ERCC8: variants seen among roughly 807,000 people sequenced by gnomAD.
The protein encoded by ERCC8 is ERCC excision repair 8, CSA ubiquitin ligase complex subunit, also known as DNA excision repair protein ERCC-8.
A neutral mutation model predicts 54.9 loss-of-function variants in ERCC8; 52 were observed. That is an observed-to-expected ratio of 0.95 (90% CI 0.76 to 1.19). ERCC8 has a LOEUF of 1.19. Among genes scored for constraint, ERCC8 ranks in the 50% most tolerant of loss-of-function variants. The probability of loss-of-function intolerance (pLI) is 0.00; values close to 1 mark genes in which losing one functional copy is unlikely to be tolerated. For missense variants in ERCC8, 514 were observed against 466.1 expected (o/e 1.10, Z -0.95); for synonymous variants, 146 against 157.2 (o/e 0.93, Z 0.53).
intron 4 of ERCC8, chr5:60,907,532 T>A (rs111390120): frequency 0.024 from 3,659 of 152,200 alleles, 63 homozygotes; most frequent in Non-Finnish European, 0.037. Context: ...TTTGTATTTT[T>A]AGTAGAGATG....
At chr5:60,884,475 CAAAAA>C (rs71606647) in intron 11 of ERCC8, among the ~76,000 whole-genome samples, 1 of 70,824 alleles carries the variant, frequency 1.4e-5, no homozygotes, top group South Asian at 5.3e-4. Context: ...GACTCCTTCT[CAAAAA>C]AAAAAAAAAA....
chr5:60,917,318 G>C (rs1286786591), intron 4 of ERCC8, among the ~76,000 whole-genome samples: 2 of 151,506 alleles, frequency 1.3e-5, no homozygotes, highest in Non-Finnish European at 2.9e-5. Flanking sequence ...TTCAAAACAC[G>C]ATCAGTTTAG....
At chr5:60,899,593 T>A (rs1748814414) in intron 8 of ERCC8, 34 bp downstream of exon 8, 1 of 1,453,340 alleles carries the variant, frequency 6.9e-7, no homozygotes, top group Admixed American at 1.7e-5. Context: ...AAAAATACTA[T>A]CATTGTCATA....
chr5:60,870,913 T>C lies in ERCC8; in HGVS notation c.*3702A>G, dbSNP rs984124853. Among the ~76,000 whole-genome samples, 1 of 152,172 alleles carries C rather than the reference T, an allele frequency of 6.6e-6. No homozygotes were observed. The highest frequency in any genetic ancestry group is 1.5e-5 in the Non-Finnish European group (1 of 68,032). On this transcript the variant is annotated 3_prime_UTR_variant, in exon 12 of 12. Coordinates refer to ENST00000676185, the MANE Select transcript of ERCC8 (RefSeq NM_000082.4). ...TTAAGAAACTGTAAGTTTTTACTTT[T>C]TTCTTTTAAACCTCAGTTTACAAGC... is the stretch of plus-strand genomic sequence containing the variant.
intron 4 of ERCC8, among the ~76,000 whole-genome samples, chr5:60,911,345 G>C (rs775239317): frequency 6.6e-6 from 1 of 151,976 alleles, no homozygotes; most frequent in African/African-American, 2.4e-5. Context: ...CTCTGATGAC[G>C]AGTGATGACG....
rs892492962 is a variant in ERCC8, at chr5:60,927,199, C to G, written c.173+1665G>C. ...AAATAACACCTTACTTTGAAAATCT[C>G]TGCCAGATTTGTGTATTCTGTCTGG... On this transcript the variant is annotated intron_variant, in intron 2 of 11. Coordinates refer to ENST00000676185, the MANE Select transcript of ERCC8 (RefSeq NM_000082.4). 7.9e-5 allele frequency among the ~76,000 whole-genome samples: 12 copies of G among 152,312 alleles called. 1 individual carries two copies. The highest frequency in any genetic ancestry group is 1.5e-4 in the Non-Finnish European group (10 of 68,022).
chr5:60,917,299 T>C (rs1749464503), intron 4 of ERCC8, among the ~76,000 whole-genome samples: 1 of 151,570 alleles, frequency 6.6e-6, no homozygotes. Flanking sequence ...AGGTAGGGAA[T>C]ACAACAGATT....
chr5:60,938,651 G>C (rs887708480), intron 1 of ERCC8, among the ~76,000 whole-genome samples: 3 of 152,196 alleles, frequency 2.0e-5, no homozygotes, highest in Non-Finnish European at 4.4e-5. Context: ...ACAGCGCCCG[G>C]CTGAATTTGT....
chr5:60,903,753 T>G (rs1748971987), intron 5 of ERCC8, 37 bp from the exon 6 acceptor site: 1 of 1,597,288 alleles, frequency 6.3e-7, no homozygotes, highest in Non-Finnish European at 8.6e-7. Context: ...AATTTTATCA[T>G]AAGTCATCAT....
chr5:60,908,359 G>A, intron 4 of ERCC8, among the ~76,000 whole-genome samples: 1 of 151,754 alleles, frequency 6.6e-6, no homozygotes, highest in East Asian at 1.9e-4. Flanking sequence ...TGTATATTCA[G>A]TGTAGACCTC....
intron 1 of ERCC8, among the ~76,000 whole-genome samples, chr5:60,941,837 C>T (rs1352235828): frequency 1.3e-5 from 2 of 152,058 alleles, no homozygotes; most frequent in African/African-American, 2.4e-5. Context: ...AAAGAGACAG[C>T]AACAGAAATA....
intron 3 of ERCC8, among the ~76,000 whole-genome samples, chr5:60,919,832 G>A (rs1450598365): frequency 6.6e-6 from 1 of 152,012 alleles, no homozygotes; most frequent in East Asian, 1.9e-4. Context: ...GTGAAGATTT[G>A]CATTAGGTTA....
In ERCC8 at chr5:60,918,672, C is replaced by A. The variant is rs1011729978; in HGVS notation, c.276-284G>T. On this transcript the variant is annotated intron_variant, in intron 3 of 11. Coordinates refer to ENST00000676185, the MANE Select transcript of ERCC8 (RefSeq NM_000082.4). ...AGCCTGGAGGCATCAGCCAACTACA[C>A]TGGTCTTCTTTCATCTTGAAAGAGT... is the stretch of plus-strand genomic sequence containing the variant. The A allele has an allele frequency of 1.5e-5, 6 of 411,638 alleles. No homozygotes were observed. In the East Asian group the frequency reaches 2.6e-4, roughly 18 times the overall value. The allele number at this position is 411,638 out of a possible 1,614,324, so 25.5% of individuals were successfully genotyped here.
chr5:60,943,831 A>G (rs778158081), intron 1 of ERCC8, among the ~76,000 whole-genome samples: 5 of 152,190 alleles, frequency 3.3e-5, no homozygotes, highest in Non-Finnish European at 7.3e-5. Flanking sequence ...AGGAAAAGTG[A>G]TTGTGATGAA....
chr5:60,910,269 T>G (rs1204802449), intron 4 of ERCC8, among the ~76,000 whole-genome samples: 2 of 152,210 alleles, frequency 1.3e-5, no homozygotes, highest in Admixed American at 1.3e-4. Flanking sequence ...CTTACCAATA[T>G]CACATTGCCT....
intron 1 of ERCC8, among the ~76,000 whole-genome samples, chr5:60,939,697 T>C (rs947175286): frequency 6.6e-6 from 1 of 152,140 alleles, no homozygotes; most frequent in Non-Finnish European, 1.5e-5. Context: ...GGTTTTGCCA[T>C]GTTGCCCAGG....
chr5:60,888,762 C>T (rs149301862), intron 10 of ERCC8, among the ~76,000 whole-genome samples: 19 of 152,244 alleles, frequency 1.2e-4, no homozygotes, highest in African/African-American at 4.3e-4. Flanking sequence ...GAGTAAGTTG[C>T]CAACATTAGG....
rs921552829 is a variant in ERCC8, at chr5:60,873,230, T to C, written c.*1385A>G. On this transcript the variant is annotated 3_prime_UTR_variant, in exon 12 of 12. Transcript: ENST00000676185. ...TTAGCTAGATTTAGTCATTCTATAA[T>C]GTATATATGCTTCAAAACAGTATGT... 1.3e-5 allele frequency among the ~76,000 whole-genome samples: 2 copies of C among 152,328 alleles called. No individual in the cohort carries two copies. Among genetic ancestry groups the C allele is most frequent in the Admixed American group, 1.3e-4 (2 of 15,300 alleles).
At chr5:60,920,267 T>C (rs2112520305) in intron 3 of ERCC8, among the ~76,000 whole-genome samples, 2 of 152,118 alleles carry the variant, frequency 1.3e-5, no homozygotes, top group African/African-American at 4.8e-5. Context: ...AAATTTCGCT[T>C]AAGATAAGCA....
Sources: allele counts gnomAD v4.1 joint callset (sites outside exome capture counted in the v4.1 genomes callset), GRCh38; gene constraint gnomAD v4.1.1; transcripts MANE v1.5; gene names NCBI Gene and HGNC (gene_info 2026-07-23, HGNC 2026-07-21).